ZNF385D: variants seen among roughly 807,000 people sequenced by gnomAD.
ZNF385D encodes zinc finger protein 385D, also known as zinc finger protein 659.
ZNF385D carries 15 observed loss-of-function variants against 35.8 expected under a neutral mutation model. That is an observed-to-expected ratio of 0.42 (90% CI 0.28 to 0.64). The LOEUF is 0.64. Among genes scored for constraint, ZNF385D ranks in the 30% least tolerant of loss-of-function variants. The pLI is 0.23. For missense variants in ZNF385D, 474 were observed against 494.6 expected (o/e 0.96, Z 0.39); for synonymous variants, 212 against 186.8 (o/e 1.13, Z -1.10).
chr3:22,132,843 T>C (rs983220817), intron 3 of ZNF385D, among the ~76,000 whole-genome samples: 2 of 152,104 alleles, frequency 1.3e-5, no homozygotes, highest in Admixed American at 1.3e-4. Context: ...ATATATCTTA[T>C]GTAAAGCGCT....
At chr3:21,950,106 G>C (rs1162569588) in intron 3 of ZNF385D, among the ~76,000 whole-genome samples, 1 of 148,958 alleles carries the variant, frequency 6.7e-6, no homozygotes, top group Non-Finnish European at 1.5e-5. Flanking sequence ...GGTATTTCTG[G>C]TTCTAGATCC....
chr3:21,717,949 T>C (rs1408994091), intron 1 of ZNF385D, among the ~76,000 whole-genome samples: 1 of 152,218 alleles, frequency 6.6e-6, no homozygotes, highest in Non-Finnish European at 1.5e-5. Context: ...TGCATCAGAT[T>C]CATCAGGAAG....
intron 3 of ZNF385D, among the ~76,000 whole-genome samples, chr3:22,131,001 T>C (rs1377042518): frequency 6.6e-5 from 10 of 152,126 alleles, no homozygotes; most frequent in Admixed American, 2.6e-4. Context: ...AAAAAAAATA[T>C]TGAGAATCAT....
intron 3 of ZNF385D, among the ~76,000 whole-genome samples, chr3:21,836,477 C>A (rs2125776342): frequency 6.6e-6 from 1 of 152,178 alleles, no homozygotes; most frequent in South Asian, 2.1e-4. Flanking sequence ...TTCACAAACA[C>A]TGCCATGGGA....
At chr3:22,315,640 A>T (rs1333571417) in intron 2 of ZNF385D, among the ~76,000 whole-genome samples, 1 of 152,212 alleles carries the variant, frequency 6.6e-6, no homozygotes, top group East Asian at 1.9e-4. Context: ...ACAAGATATT[A>T]AATGTGAAAC....
chr3:22,039,389 T>C (rs1310272600), intron 3 of ZNF385D, among the ~76,000 whole-genome samples: 2 of 152,100 alleles, frequency 1.3e-5, no homozygotes, highest in African/African-American at 4.8e-5. Context: ...ACATTTTCAG[T>C]GGCTTCTCAA....
chr3:22,146,135 G>T (rs151275859), intron 3 of ZNF385D, among the ~76,000 whole-genome samples: 7 of 152,016 alleles, frequency 4.6e-5, no homozygotes, highest in African/African-American at 1.7e-4. Flanking sequence ...GCAAACATTC[G>T]AAGAAAGGAT....
intron 1 of ZNF385D, among the ~76,000 whole-genome samples, chr3:21,699,231 C>T (rs1042862418): frequency 6.6e-5 from 10 of 152,106 alleles, no homozygotes. Context: ...AGCAAACTAA[C>T]ACAAGAACAG....
At chr3:22,131,826 T>G (rs1703812637) in intron 3 of ZNF385D, among the ~76,000 whole-genome samples, 1 of 152,108 alleles carries the variant, frequency 6.6e-6, no homozygotes, top group African/African-American at 2.4e-5. Context: ...AGGGAAAGTA[T>G]GAAAGAATCA....
At chr3:21,548,877 C>G (rs759179570) in intron 3 of ZNF385D, among the ~76,000 whole-genome samples, 2 of 152,148 alleles carry the variant, frequency 1.3e-5, no homozygotes, top group Admixed American at 6.5e-5. Context: ...GCCTATTGCC[C>G]TTGAAAAAGT....
chr3:22,237,840 C>T (rs914777370), intron 2 of ZNF385D, among the ~76,000 whole-genome samples: 2 of 142,612 alleles, frequency 1.4e-5, no homozygotes, highest in African/African-American at 2.7e-5. Flanking sequence ...GGTGGGGTTT[C>T]ACCACATTCG....
chr3:22,254,761 G>C (rs777393219), intron 2 of ZNF385D, among the ~76,000 whole-genome samples: 2 of 151,712 alleles, frequency 1.3e-5, no homozygotes, highest in Non-Finnish European at 2.9e-5. Flanking sequence ...CATGTTAATA[G>C]TAACCCTTAT....
chr3:21,756,718 C>A (rs2070355549), intron 3 of ZNF385D, among the ~76,000 whole-genome samples: 2 of 152,128 alleles, frequency 1.3e-5, no homozygotes, highest in Admixed American at 1.3e-4. Context: ...AGTATAATAA[C>A]TTTTGAATGC....
chr3:21,937,272 C>T (rs1035074901), intron 3 of ZNF385D, among the ~76,000 whole-genome samples: 2 of 151,994 alleles, frequency 1.3e-5, no homozygotes, highest in Non-Finnish European at 2.9e-5. Context: ...TGATCCAGAA[C>T]ATCTTCAATC....
At chr3:21,635,087 G>C (rs530595869) in intron 2 of ZNF385D, among the ~76,000 whole-genome samples, 3 of 152,098 alleles carry the variant, frequency 2.0e-5, no homozygotes, top group Admixed American at 1.3e-4. Context: ...TATATGCAGA[G>C]AACAATATCA....
chr3:21,656,858 G>C (rs2066086559), intron 2 of ZNF385D, among the ~76,000 whole-genome samples: 2 of 151,866 alleles, frequency 1.3e-5, no homozygotes, highest in East Asian at 1.9e-4. Context: ...CTATGTCTAA[G>C]TGTGGAGTAG....
intron 2 of ZNF385D, among the ~76,000 whole-genome samples, chr3:22,323,613 A>G (rs777518551): frequency 6.6e-6 from 1 of 152,220 alleles, no homozygotes; most frequent in Non-Finnish European, 1.5e-5. Flanking sequence ...AGTACTACAC[A>G]TTGTTTTATT....
chr3:22,076,248 A>C (rs1576274461), intron 3 of ZNF385D, among the ~76,000 whole-genome samples: 1 of 151,908 alleles, frequency 6.6e-6, no homozygotes, highest in East Asian at 1.9e-4. Context: ...ATAAAGATAC[A>C]TTCTTTATCC....
chr3:21,612,042 T>A (rs996249705), intron 2 of ZNF385D, among the ~76,000 whole-genome samples: 1 of 152,186 alleles, frequency 6.6e-6, no homozygotes, highest in African/African-American at 2.4e-5. Context: ...ACAAATGTTA[T>A]ACCATTTAAT....
Sources: allele counts gnomAD v4.1 joint callset (sites outside exome capture counted in the v4.1 genomes callset), GRCh38; gene constraint gnomAD v4.1.1; transcripts MANE v1.5; gene names NCBI Gene and HGNC (gene_info 2026-07-23, HGNC 2026-07-21).